ANKRD18A: variants seen among roughly 807,000 people sequenced by gnomAD.
ANKRD18A encodes the protein ankyrin repeat domain-containing protein 18A.
Under a neutral mutation model 110.6 loss-of-function variants are expected in ANKRD18A, and 72 were observed. The ratio of observed to expected loss-of-function variants is 0.65; its 90% CI spans 0.54 to 0.79. The LOEUF (loss-of-function observed/expected upper bound fraction) is 0.79, where lower values mean the gene tolerates loss of function less well. ANKRD18A is among the 30% of genes least tolerant of loss of function. The pLI is 0.00. For missense variants in ANKRD18A, 934 were observed against 1,163.3 expected, an observed-to-expected ratio of 0.80 and a Z score of 2.87; for synonymous variants, 305 against 410.3, an observed-to-expected ratio of 0.74 and a Z score of 3.10.
chr9:38,615,971 T>A lies in ANKRD18A; in HGVS notation c.280A>T (p.Ile94Phe), dbSNP rs759341664. Residue 94 changes from isoleucine to phenylalanine, a missense_variant, in exon 2 of 16, where the codon ATC becomes TTC. Transcript: ENST00000399703. ...VTLLLHRRCQ[I>F]DICDRLNRTP... ...CTGTTTAGTCTGTCACAGATGTCGA[T>A]CTGGCATCTTCTGTGCAGCAAGAGA... is the stretch of plus-strand genomic sequence containing the variant. 3.2e-6 allele frequency: 5 copies of A among 1,586,460 alleles called. No homozygotes were observed. The Admixed American group carries it at 9.1e-5, about 29-fold the overall frequency.
intron 10 of ANKRD18A, among the ~76,000 whole-genome samples, chr9:38,591,360 G>A (rs1254090608): frequency 9.2e-5 from 14 of 152,150 alleles, no homozygotes; most frequent in Admixed American, 8.5e-4. Context: ...CTAGCCGTGC[G>A]ACCTTGAGCA....
At chr9:38,612,321 T>C (rs1825654735) in intron 3 of ANKRD18A, among the ~76,000 whole-genome samples, 1 of 152,184 alleles carries the variant, frequency 6.6e-6, no homozygotes, top group Non-Finnish European at 1.5e-5. Flanking sequence ...TCCTGGGACG[T>C]TAATGCAACT....
In ANKRD18A at chr9:38,577,721, A is replaced by G. The variant is rs1823961850; in HGVS notation, c.2529+146T>C. The G allele has an allele frequency of 1.4e-5, 12 of 878,036 alleles. 1 individual carries two copies. In the South Asian group the frequency reaches 2.9e-4, roughly 22 times the overall value. 54.4% of individuals were successfully genotyped at this position (878,036 alleles called of 1,614,324 possible). A position where few individuals can be genotyped will look rare whatever the true frequency, so the allele number is the denominator to read the frequency against. Reference sequence around the variant, plus strand: ...GGAAATTTAAATATTTAAAAGGAAAAAAGTCACTTTTTTTCTAGAACTCTA... The same window carrying G: ...GGAAATTTAAATATTTAAAAGGAAAGAAGTCACTTTTTTTCTAGAACTCTA... On this transcript the variant is annotated intron_variant, in intron 13 of 15. Coordinates refer to ENST00000399703, the MANE Select transcript of ANKRD18A (RefSeq NM_147195.4).
chr9:38,590,779 T>C (rs1462134121), intron 10 of ANKRD18A, among the ~76,000 whole-genome samples: 2 of 152,120 alleles, frequency 1.3e-5, no homozygotes, highest in Non-Finnish European at 2.9e-5. Flanking sequence ...GTCCACCAAA[T>C]GTCTTAATCC....
chr9:38,618,758 G>A (rs1222980678), intron 1 of ANKRD18A, among the ~76,000 whole-genome samples: 1 of 151,874 alleles, frequency 6.6e-6, no homozygotes, highest in Non-Finnish European at 1.5e-5. Context: ...AGTAACTTGT[G>A]AATCTGCAAA....
At position 38,608,568 on chromosome 9, in the gene ANKRD18A, TATA is replaced by T. The variant is rs1014664187; in HGVS notation, c.741-1078_741-1076del. The stretch of plus-strand genomic sequence containing the variant: ...ATATAGATTATATAATCTATAACTA[TATA>T]ATAATAGATTATATAATCTATAACT... On this transcript the variant is annotated intron_variant, in intron 5 of 15. Coordinates refer to ENST00000399703, the MANE Select transcript of ANKRD18A (RefSeq NM_147195.4). Among the ~76,000 whole-genome samples, 213 of 147,096 alleles carry T rather than the reference TATA, an allele frequency of 1.4e-3. 1 individual carries two copies. Among genetic ancestry groups the T allele is most frequent in the Non-Finnish European group, 2.4e-3 (161 of 66,842 alleles).
At chr9:38,594,664 G>A (rs1327079409) in intron 9 of ANKRD18A, among the ~76,000 whole-genome samples, 1 of 152,078 alleles carries the variant, frequency 6.6e-6, no homozygotes, top group Non-Finnish European at 1.5e-5. Context: ...TCAGACTTAA[G>A]TCACATTGGC....
intron 15 of ANKRD18A, among the ~76,000 whole-genome samples, 174 bp downstream of exon 15, chr9:38,575,302 G>A (rs1243452524): frequency 6.6e-6 from 1 of 152,136 alleles, no homozygotes; most frequent in African/African-American, 2.4e-5. Context: ...TTGAAAATGA[G>A]AGCTCCAGGG....
intron 12 of ANKRD18A, among the ~76,000 whole-genome samples, chr9:38,580,423 T>A (rs1197381791): frequency 6.6e-6 from 1 of 152,172 alleles, no homozygotes; most frequent in Non-Finnish European, 1.5e-5. Context: ...CAAGACCTTG[T>A]CTCTTAACAA....
At chr9:38,597,178 T>C (rs746699651) in intron 8 of ANKRD18A, among the ~76,000 whole-genome samples, 2 of 152,172 alleles carry the variant, frequency 1.3e-5, no homozygotes, top group Non-Finnish European at 2.9e-5. Context: ...GGATTCTCCA[T>C]GAAATAGCCA....
downstream of ANKRD18A, chr9:38,569,282 A>T (rs1823553816): frequency 7.8e-5 from 74 of 951,302 alleles, no homozygotes; most frequent in Non-Finnish European, 8.8e-5. Context: ...TCAGCACAGA[A>T]CAGGCACCTG....
chr9:38,569,958 G>A (rs150458160), downstream of ANKRD18A, among the ~76,000 whole-genome samples: 213 of 152,268 alleles, frequency 1.4e-3, 1 homozygote, highest in African/African-American at 4.8e-3. Flanking sequence ...ATCTTCTCAC[G>A]TTCTCTTTCC....
At chr9:38,586,084 A>C (rs915469620) in intron 12 of ANKRD18A, 99 bp downstream of exon 12, 1 of 1,259,052 alleles carries the variant, frequency 7.9e-7, no homozygotes, top group African/African-American at 1.6e-5. Flanking sequence ...TGATACGTGC[A>C]GCAAACCATC....
At chr9:38,585,886 C>CCTCAG (rs371417039) in intron 12 of ANKRD18A, among the ~76,000 whole-genome samples, 132 of 152,254 alleles carry the variant, frequency 8.7e-4, no homozygotes, top group African/African-American at 2.8e-3. Flanking sequence ...GAGCTGTTAT[C>CCTCAG]CTCAGCACAC....
chr9:38,571,898 A>C lies in ANKRD18A; in HGVS notation c.*147T>G, dbSNP rs1320783658. The stretch of plus-strand genomic sequence containing the variant: ...TGATGTTTTATATTATATGAGAAAC[A>C]ATTAAAATTTCATGTAAATAGCCCA... On this transcript the variant is annotated 3_prime_UTR_variant, in exon 16 of 16. Coordinates refer to ENST00000399703, the MANE Select transcript of ANKRD18A (RefSeq NM_147195.4). 1 of 1,395,706 alleles carries C rather than the reference A, an allele frequency of 7.2e-7. No homozygotes were observed. Among genetic ancestry groups the C allele is most frequent in the East Asian group, 2.8e-5 (1 of 35,326 alleles). 86.5% of individuals were successfully genotyped at this position (1,395,706 alleles called of 1,614,324 possible). A position where few individuals can be genotyped will look rare whatever the true frequency, so the allele number is the denominator to read the frequency against.
Position 38,577,175 on chromosome 9 carries a change from C to T in ANKRD18A, c.2619G>A (p.Val873=). 6.5e-7 allele frequency: 1 copy of T among 1,548,762 alleles called. No homozygotes were observed. The highest frequency in any genetic ancestry group is 2.5e-5 in the East Asian group (1 of 40,784). ...TTTTCATTTTGGAGAATTTACATTC[C>T]ACATCTTTAAGTGTGAGTTCCTTCT... is the stretch of plus-strand genomic sequence containing the variant. ...LKKKELTLKD[V]ECKFSKMKTA... is the part of the protein sequence containing the mutation. Residue 873 remains valine (V), a synonymous_variant, in exon 14 of 16, where the codon GTG becomes GTA. Transcript: ENST00000399703.
intron 12 of ANKRD18A, among the ~76,000 whole-genome samples, chr9:38,583,570 A>G (rs1824252012): frequency 6.6e-6 from 1 of 152,040 alleles, no homozygotes; most frequent in African/African-American, 2.4e-5. Context: ...TTGTATTTTT[A>G]GTAGAGACAG....
Position 38,620,241 on chromosome 9 carries a change from G to T in ANKRD18A, c.45C>A (p.Leu15=), listed in dbSNP as rs775224043. The change falls in exon 1 of 16, where the codon CTC becomes CTA. Residue 15 remains leucine, a synonymous_variant. Coordinates refer to ENST00000399703, the MANE Select transcript of ANKRD18A (RefSeq NM_147195.4). ...FSFGRRLGQA[L]LSSMDQEYAG... is the part of the protein sequence containing the mutation. ...CATACTCTTGGTCCATGGAGCTCAG[G>T]AGCGCCTGGCCCAGGCGTCTCCCGA... The T allele has an allele frequency of 2.6e-6, 4 of 1,551,420 alleles. No individual in the cohort carries two copies. The South Asian group carries it at 3.6e-5, about 14-fold the overall frequency.
intron 14 of ANKRD18A, 115 bp from the exon 15 acceptor site, chr9:38,575,813 G>C (rs1823868130): frequency 5.1e-6 from 5 of 982,636 alleles, no homozygotes; most frequent in Non-Finnish European, 7.3e-6. Context: ...CCATTAAACA[G>C]TGCTTTCACA....
Sources: allele counts gnomAD v4.1 joint callset (sites outside exome capture counted in the v4.1 genomes callset), GRCh38; gene constraint gnomAD v4.1.1; transcripts MANE v1.5; gene names NCBI Gene and HGNC (gene_info 2026-07-23, HGNC 2026-07-21).